FOSL2: variants seen among roughly 807,000 people sequenced by gnomAD.
FOSL2 encodes the protein fos-related antigen 2.
In FOSL2, 3 loss-of-function variants were observed where a neutral mutation model predicts 27.7. That is an observed-to-expected ratio of 0.11 (90% confidence interval 0.05 to 0.28). The LOEUF (loss-of-function observed/expected upper bound fraction) is 0.28. FOSL2 is among the 10% of genes least tolerant of loss of function. The probability of loss-of-function intolerance (pLI) is 1.00; values close to 1 mark genes in which losing one functional copy is unlikely to be tolerated. For synonymous variants in FOSL2, 179 were observed against 190.1 expected, an observed-to-expected ratio of 0.94 and a Z score of 0.48; for missense variants, 333 against 445.1, an observed-to-expected ratio of 0.75 and a Z score of 2.27.
At position 28,393,380 on chromosome 2, in the gene FOSL2, C is replaced by A. The variant is rs971916457; in HGVS notation, c.-341C>A. The A allele has an allele frequency of 6.7e-6, 2 of 300,236 alleles. No homozygotes were observed. The highest frequency in any genetic ancestry group is 1.2e-5 in the Non-Finnish European group (2 of 162,084). The allele number at this position is 300,236 out of a possible 1,614,324, so 18.6% of individuals were successfully genotyped here. A position where few individuals can be genotyped will look rare whatever the true frequency, so the allele number is the denominator to read the frequency against. Reference sequence around the variant, plus strand: ...CCAATTTTTGATTGGGCCGTGGGTCCCCGCTGAGCTCCGGCTGCGCGCGGG... The same window carrying A: ...CCAATTTTTGATTGGGCCGTGGGTCACCGCTGAGCTCCGGCTGCGCGCGGG... On this transcript the variant is annotated 5_prime_UTR_variant, in exon 1 of 4. Transcript: ENST00000264716. This position sits in a 1 kb window ranked among gnomAD's most constrained non-coding sequence, Gnocchi z 4.6.
At position 28,416,703 on chromosome 2, in the gene FOSL2, G is replaced by A. The variant is rs1431551477; in HGVS notation, c.*4255G>A. On this transcript the variant is annotated 3_prime_UTR_variant, in exon 4 of 4. Coordinates refer to ENST00000264716, the MANE Select transcript of FOSL2 (RefSeq NM_005253.4). ...GTTTATTCCATTTATTTTAGTTTGT[G>A]TTTACTTGATTTTGAGGAAGAAAAT... The A allele has an allele frequency of 3.3e-5, 5 of 151,756 alleles. No individual in the cohort carries two copies. The highest frequency in any genetic ancestry group is 2.0e-4 in the Admixed American group (3 of 15,226). 9.4% of individuals were successfully genotyped at this position (151,756 alleles called of 1,614,324 possible). A position where few individuals can be genotyped will look rare whatever the true frequency, so the allele number is the denominator to read the frequency against.
rs183891735 is a variant in FOSL2, at chr2:28,404,491, G to A, written c.354+133G>A. On this transcript the variant is annotated intron_variant, in intron 2 of 3. Coordinates refer to ENST00000264716, the MANE Select transcript of FOSL2 (RefSeq NM_005253.4). This position sits in a 1 kb window ranked among gnomAD's most constrained non-coding sequence, Gnocchi z 4.7. ...AGACAAGGGAGCTAGGGGTCGAAGAGCACGTCATCCCCCTTACTGGAGGCC... is the reference window on the plus strand; with the variant it reads ...AGACAAGGGAGCTAGGGGTCGAAGAACACGTCATCCCCCTTACTGGAGGCC... 166 of 1,140,194 alleles carry A rather than the reference G, an allele frequency of 1.5e-4. No individual in the cohort carries two copies. The highest frequency in any genetic ancestry group is 2.0e-4 in the Non-Finnish European group (162 of 812,760). 70.6% of individuals were successfully genotyped at this position (1,140,194 alleles called of 1,614,324 possible). A position where few individuals can be genotyped will look rare whatever the true frequency, so the allele number is the denominator to read the frequency against.
chr2:28,412,052 C>G lies in FOSL2; in HGVS notation c.585C>G (p.Pro195=), dbSNP rs146012402. 4 of 1,608,296 alleles carry G rather than the reference C, an allele frequency of 2.5e-6. No individual in the cohort carries two copies. The highest frequency in any genetic ancestry group is 3.4e-6 in the Non-Finnish European group (4 of 1,179,890). The change falls in exon 4 of 4, where the codon CCC becomes CCG. Residue 195 remains proline (P), a synonymous_variant. Transcript: ENST00000264716. The surrounding 1 kb of genome is among the most constrained non-coding windows in gnomAD (Gnocchi z 7.1). Reference sequence around the variant, plus strand: ...ACGGCCCAGTGTGCAAGATTAGCCCCGAGGAGCGCCGATCGCCCCCAGCCC... The same window carrying G: ...ACGGCCCAGTGTGCAAGATTAGCCCGGAGGAGCGCCGATCGCCCCCAGCCC... ...VAHGPVCKIS[P]EERRSPPAPG...
At chr2:28,397,892 G>A (rs948891254) in intron 1 of FOSL2, among the ~76,000 whole-genome samples, 5 of 152,328 alleles carry the variant, frequency 3.3e-5, no homozygotes, top group African/African-American at 7.2e-5. Flanking sequence ...TTTGATATTT[G>A]GAAATTACCA....
intron 2 of FOSL2, among the ~76,000 whole-genome samples, chr2:28,406,461 C>G (rs1664085576): frequency 6.6e-6 from 1 of 152,176 alleles, no homozygotes; most frequent in South Asian, 2.1e-4. Context: ...CCTTTATACC[C>G]ATTTTACAGA....
At chr2:28,398,959 T>A (rs951205581) in intron 1 of FOSL2, among the ~76,000 whole-genome samples, 2 of 152,092 alleles carry the variant, frequency 1.3e-5, no homozygotes, top group Non-Finnish European at 2.9e-5. Flanking sequence ...TGATGGGAGG[T>A]ATGAGACAGA....
At position 28,415,933 on chromosome 2, in the gene FOSL2, A is replaced by G. The variant is rs1240203459; in HGVS notation, c.*3485A>G. 1 of 152,110 alleles carries G rather than the reference A, an allele frequency of 6.6e-6. No homozygotes were observed. Among genetic ancestry groups the G allele is most frequent in the Non-Finnish European group, 1.5e-5 (1 of 68,022 alleles). The allele number at this position is 152,110 out of a possible 1,614,324, so 9.4% of individuals were successfully genotyped here. On this transcript the variant is annotated 3_prime_UTR_variant, in exon 4 of 4. Coordinates refer to ENST00000264716, the MANE Select transcript of FOSL2 (RefSeq NM_005253.4). ...TCCATACTTCTCCTTCTACCCCACC[A>G]TGTGCTCCCGTGCACTCCTCAGATG...
Position 28,412,527 on chromosome 2 carries a change from C to T in FOSL2, c.*79C>T, listed in dbSNP as rs1202410416. ...CCAGGGACCAGCACCTTCAAGCGCT[C>T]CAGGGCCGTGAGGGCAAGAGGGGGA... is the stretch of plus-strand genomic sequence containing the variant. On this transcript the variant is annotated 3_prime_UTR_variant, in exon 4 of 4. Transcript: ENST00000264716. The surrounding 1 kb of genome is among the most constrained non-coding windows in gnomAD (Gnocchi z 7.1). The T allele has an allele frequency of 2.6e-6, 4 of 1,515,544 alleles. No individual in the cohort carries two copies. Among genetic ancestry groups the T allele is most frequent in the East Asian group, 4.5e-5 (2 of 44,004 alleles). The allele number at this position is 1,515,544 out of a possible 1,614,324, so 93.9% of individuals were successfully genotyped here.
chr2:28,411,807 CTG>C, intron 3 of FOSL2, 121 bp from the exon 4 acceptor site: 1 of 987,170 alleles, frequency 1.0e-6, no homozygotes, highest in Admixed American at 2.0e-5. Flanking sequence ...CCAGCGGGGT[CTG>C]TGGTTAGGTG....
In FOSL2 at chr2:28,411,958, C is replaced by T; in HGVS notation, c.491C>T (p.Ser164Leu). Residue 164 changes from serine to leucine, a missense_variant, in exon 4 of 4, where the codon TCA becomes TTA. Around this residue, in one of 4 missense-constraint regions of FOSL2, gnomAD observed 40 missense variants for 104.2 expected, o/e 0.38. Coordinates refer to ENST00000264716, the MANE Select transcript of FOSL2 (RefSeq NM_005253.4). ...AETEELEEEK[S>L]GLQKEIAELQ... ...ACAGAGGAGCTGGAGGAGGAGAAGTCAGGCCTGCAGAAGGAGATTGCTGAG... is the reference window on the plus strand; with the variant it reads ...ACAGAGGAGCTGGAGGAGGAGAAGTTAGGCCTGCAGAAGGAGATTGCTGAG... 6.2e-7 allele frequency: 1 copy of T among 1,614,174 alleles called. No individual in the cohort carries two copies. The highest frequency in any genetic ancestry group is 1.1e-5 in the South Asian group (1 of 91,082).
At position 28,414,140 on chromosome 2, in the gene FOSL2, C is replaced by T; in HGVS notation, c.*1692C>T. 1 of 302,154 alleles carries T rather than the reference C, an allele frequency of 3.3e-6. No individual in the cohort carries two copies. The highest frequency in any genetic ancestry group is 6.1e-6 in the Non-Finnish European group (1 of 164,472). 18.7% of individuals were successfully genotyped at this position (302,154 alleles called of 1,614,324 possible). A position where few individuals can be genotyped will look rare whatever the true frequency, so the allele number is the denominator to read the frequency against. ...AGACTCTGCTGCTGGGGATTCAGCT[C>T]TAGAGGTCACAGTATCCTCGTTTGA... On this transcript the variant is annotated 3_prime_UTR_variant, in exon 4 of 4. Transcript: ENST00000264716.
At chr2:28,400,583 G>A (rs1663949274) in intron 1 of FOSL2, among the ~76,000 whole-genome samples, 1 of 152,120 alleles carries the variant, frequency 6.6e-6, no homozygotes, top group Admixed American at 6.5e-5. Flanking sequence ...TCTGGGGATG[G>A]GACATTGTTT....
rs1327475284 is a variant in FOSL2, at chr2:28,413,350, A to T, written c.*902A>T. 2.5e-6 allele frequency: 1 copy of T among 397,402 alleles called. No individual in the cohort carries two copies. The highest frequency in any genetic ancestry group is 4.4e-6 in the Non-Finnish European group (1 of 226,006). 24.6% of individuals were successfully genotyped at this position (397,402 alleles called of 1,614,324 possible). ...CGTCTCCTGTAATTACTGCCTTGCC[A>T]TTCTGCCCCTGGACCCTTCTCTCCG... On this transcript the variant is annotated 3_prime_UTR_variant, in exon 4 of 4. Transcript: ENST00000264716.
At chr2:28,398,654 G>C (rs769332992) in intron 1 of FOSL2, among the ~76,000 whole-genome samples, 1 of 152,232 alleles carries the variant, frequency 6.6e-6, no homozygotes, top group East Asian at 1.9e-4. Flanking sequence ...GGTGGAGGAG[G>C]ATAGAGTAAG....
intron 1 of FOSL2, chr2:28,395,582 A>G (rs1305389854): frequency 6.6e-6 from 1 of 152,266 alleles, no homozygotes; most frequent in Non-Finnish European, 1.5e-5. Flanking sequence ...GGAAGAAGGA[A>G]GAGAACTCAG....
At position 28,393,845 on chromosome 2, in the gene FOSL2, C is replaced by G. The variant is rs746470278; in HGVS notation, c.102+23C>G. ...CAGGTAGGTGCGGGCCCCGGTGCACCTGGCGGCGCGGGCGGACCCCTGCCC... is the reference window on the plus strand; with the variant it reads ...CAGGTAGGTGCGGGCCCCGGTGCACGTGGCGGCGCGGGCGGACCCCTGCCC... On this transcript the variant is annotated intron_variant, in intron 1 of 3. Coordinates refer to ENST00000264716, the MANE Select transcript of FOSL2 (RefSeq NM_005253.4). The surrounding 1 kb of genome is among the most constrained non-coding windows in gnomAD (Gnocchi z 4.6). 23 of 1,547,012 alleles carry G rather than the reference C, an allele frequency of 1.5e-5. No individual in the cohort carries two copies. Among genetic ancestry groups the G allele is most frequent in the Non-Finnish European group, 2.6e-6 (3 of 1,137,964 alleles).
In FOSL2 at chr2:28,408,922, CG is replaced by C. The variant is rs869163957; in HGVS notation, c.462+61del. 1 of 1,235,490 alleles carries C rather than the reference CG, an allele frequency of 8.1e-7. No homozygotes were observed. The highest frequency in any genetic ancestry group is 1.1e-6 in the Non-Finnish European group (1 of 881,326). 76.5% of individuals were successfully genotyped at this position (1,235,490 alleles called of 1,614,324 possible). A position where few individuals can be genotyped will look rare whatever the true frequency, so the allele number is the denominator to read the frequency against. On this transcript the variant is annotated intron_variant, in intron 3 of 3. Coordinates refer to ENST00000264716, the MANE Select transcript of FOSL2 (RefSeq NM_005253.4). The surrounding 1 kb of genome is among the most constrained non-coding windows in gnomAD (Gnocchi z 4.1). Reference sequence around the variant, plus strand: ...TCTGGGTGGGCTGGAGTGAGAGCCCCGGGGGTCCTGATCCTCTCTCCCACAG... The same window carrying C: ...TCTGGGTGGGCTGGAGTGAGAGCCCCGGGGTCCTGATCCTCTCTCCCACAG...
At position 28,408,827 on chromosome 2, in the gene FOSL2, C is replaced by T. The variant is rs752574872; in HGVS notation, c.423C>T (p.Cys141=). 2 of 1,611,534 alleles carry T rather than the reference C, an allele frequency of 1.2e-6. No homozygotes were observed. The highest frequency in any genetic ancestry group is 1.7e-6 in the Non-Finnish European group (2 of 1,178,910). ...RERNKLAAAK[C]RNRRRELTEK... ...GGAACAAGCTGGCTGCAGCCAAGTG[C>T]CGGAACCGACGCCGGGAGCTGACAG... is the stretch of plus-strand genomic sequence containing the variant. The change falls in exon 3 of 4, where the codon TGC becomes TGT. Residue 141 remains cysteine (C), a synonymous_variant. Coordinates refer to ENST00000264716, the MANE Select transcript of FOSL2 (RefSeq NM_005253.4). This position sits in a 1 kb window ranked among gnomAD's most constrained non-coding sequence, Gnocchi z 4.1.
At position 28,396,789 on chromosome 2, in the gene FOSL2, G is replaced by GACACACACACACACACACACAC. The variant is rs60104109; in HGVS notation, c.102+2995_102+3016dup. On this transcript the variant is annotated intron_variant, in intron 1 of 3. Coordinates refer to ENST00000264716, the MANE Select transcript of FOSL2 (RefSeq NM_005253.4). ...TTCTTCCTCAACCACCCCTTCCCAA[G>GACACACACACACACACACACAC]ACACACACACACACACACACACACA... is the stretch of plus-strand genomic sequence containing the variant. 2.8e-4 allele frequency: 31 copies of GACACACACACACACACACACAC among 112,276 alleles called. 1 individual carries two copies. The East Asian group carries it at 3.8e-3, about 14-fold the overall frequency. The allele number at this position is 112,276 out of a possible 1,614,324, so 7.0% of individuals were successfully genotyped here.
Sources: gnomAD v4.1 joint callset for allele counts (sites outside exome capture counted in the v4.1 genomes callset) on GRCh38, gnomAD v4.1.1 for gene constraint, gnomAD v4.1.1 regional missense constraint, Gnocchi (gnomAD v3.1) non-coding constraint, MANE v1.5 for transcripts, NCBI Gene and HGNC (gene_info 2026-07-23, HGNC 2026-07-21) for gene names.